DNAJC17: variants seen among roughly 807,000 people sequenced by gnomAD.
DNAJC17 encodes the protein dnaJ homolog subfamily C member 17.
A neutral mutation model predicts 48.1 loss-of-function variants in DNAJC17; 35 were observed. The observed-to-expected ratio is 0.73, with a 90% CI of 0.56 to 0.96. The LOEUF (loss-of-function observed/expected upper bound fraction) is 0.96. Ranked by LOEUF, DNAJC17 falls within the 50% of genes least tolerant of loss-of-function variation. The probability of loss-of-function intolerance (pLI) is 0.00; values close to 1 mark genes in which losing one functional copy is unlikely to be tolerated. For missense variants in DNAJC17, 355 were observed against 377.1 expected (o/e 0.94, Z 0.48); for synonymous variants, 117 against 142.7 (o/e 0.82, Z 1.28).
Position 40,776,230 on chromosome 15 carries a change from C to T in DNAJC17, c.444G>A (p.Glu148=). The change falls in exon 6 of 11, where the codon GAG becomes GAA. Residue 148 remains glutamate, a synonymous_variant. Coordinates refer to ENST00000220496, the MANE Select transcript of DNAJC17 (RefSeq NM_018163.3). ...TCTGGTCACGCTCCTGGCGTATCTG[C>T]TCCCGGATGAGCCTCTGCTGTTCCT... ...QLEEQQRLIR[E]QIRQERDQRL... is the part of the protein sequence containing the mutation. The T allele has an allele frequency of 6.2e-7, 1 of 1,614,154 alleles. No individual in the cohort carries two copies.
chr15:40,799,802 G>A (rs1489433458), intron 1 of DNAJC17, among the ~76,000 whole-genome samples: 1 of 152,008 alleles, frequency 6.6e-6, no homozygotes, highest in East Asian at 1.9e-4. Context: ...AATGCACAGG[G>A]CTCCAATTTC....
chr15:40,769,627 G>A lies in DNAJC17; in HGVS notation c.793-1565C>T, dbSNP rs574212882. On this transcript the variant is annotated intron_variant, in intron 10 of 10. Transcript: ENST00000220496. The surrounding 1 kb of genome is among the most constrained non-coding windows in gnomAD (Gnocchi z 4.2). ...CAGCGGGGCTGAGTCACCCATACCA[G>A]CTACAGGTCTCTTCCTTCCCCAACA... 1.3e-5 allele frequency among the ~76,000 whole-genome samples: 2 copies of A among 152,290 alleles called. No homozygotes were observed. The highest frequency in any genetic ancestry group is 3.9e-4 in the East Asian group (2 of 5,176).
intron 1 of DNAJC17, among the ~76,000 whole-genome samples, chr15:40,781,717 T>A (rs1889494813): frequency 3.3e-5 from 5 of 151,306 alleles, no homozygotes; most frequent in African/African-American, 9.7e-5. Flanking sequence ...GTCAGGAGAT[T>A]GAGACCATCC....
chr15:40,770,906 A>AC lies in DNAJC17; in HGVS notation c.792+2820dup. On this transcript the variant is annotated intron_variant, in intron 10 of 10. Transcript: ENST00000220496. This position sits in a 1 kb window ranked among gnomAD's most constrained non-coding sequence, Gnocchi z 5.0. ...TGGACACTCCCTGCTTCCAGAGGAC[A>AC]CCTACCCCAGACCTCAGTGATCCCT... is the stretch of plus-strand genomic sequence containing the variant. 1 of 1,551,414 alleles carries AC rather than the reference A, an allele frequency of 6.4e-7. No homozygotes were observed. The highest frequency in any genetic ancestry group is 8.7e-7 in the Non-Finnish European group (1 of 1,146,994).
At chr15:40,781,745 C>A (rs1889496320) in intron 1 of DNAJC17, among the ~76,000 whole-genome samples, 1 of 151,038 alleles carries the variant, frequency 6.6e-6, no homozygotes, top group Non-Finnish European at 1.5e-5. Flanking sequence ...CACGGTGAAA[C>A]CCCGTCTCTA....
At chr15:40,795,440 C>T (rs1354872496) in intron 1 of DNAJC17, among the ~76,000 whole-genome samples, 4 of 152,318 alleles carry the variant, frequency 2.6e-5, no homozygotes, top group African/African-American at 9.6e-5. Context: ...CTTCTCTTCA[C>T]ATCTGTTTCC....
chr15:40,780,682 C>T (rs995809785), intron 1 of DNAJC17: 55 of 258,848 alleles, frequency 2.1e-4, no homozygotes, highest in African/African-American at 1.1e-3. Context: ...GGCATAGTGG[C>T]GGGCAGCTGT....
rs1889120933 is a variant in DNAJC17, at chr15:40,770,936, C to T, written c.792+2791G>A. The stretch of plus-strand genomic sequence containing the variant: ...CCCCAGACCTCAGTGATCCCTTCCT[C>T]TCCTTCAAAGTGGACCTGGGGATTT... On this transcript the variant is annotated intron_variant, in intron 10 of 10. Coordinates refer to ENST00000220496, the MANE Select transcript of DNAJC17 (RefSeq NM_018163.3). This position sits in a 1 kb window ranked among gnomAD's most constrained non-coding sequence, Gnocchi z 5.0. 1 of 1,551,524 alleles carries T rather than the reference C, an allele frequency of 6.4e-7. No individual in the cohort carries two copies. The highest frequency in any genetic ancestry group is 8.7e-7 in the Non-Finnish European group (1 of 1,147,014).
chr15:40,780,832 AAAATAAAAAAT>A (rs1889466469), intron 1 of DNAJC17, among the ~76,000 whole-genome samples: 1 of 150,000 alleles, frequency 6.7e-6, no homozygotes, highest in African/African-American at 2.5e-5. Context: ...AAAATAAAAT[AAAATAAAAAAT>A]AAAATAAAAG....
At chr15:40,804,226 T>C (rs1314055955) in intron 1 of DNAJC17, among the ~76,000 whole-genome samples, 1 of 151,702 alleles carries the variant, frequency 6.6e-6, no homozygotes, top group Non-Finnish European at 1.5e-5. Flanking sequence ...CACCTTGGCC[T>C]CCCAAAGTGC....
At position 40,765,861 on chromosome 15, in the gene DNAJC17, C is replaced by T. The variant is rs753657553; in HGVS notation, c.*2079G>A. On this transcript the variant is annotated 3_prime_UTR_variant, in exon 11 of 11. Transcript: ENST00000220496. Reference sequence around the variant, plus strand: ...CCCACTATGGTGGGCGATGAACAGTCGGATCCAGAGCTGATGCAGCATCTG... The same window carrying T: ...CCCACTATGGTGGGCGATGAACAGTTGGATCCAGAGCTGATGCAGCATCTG... 16 of 1,584,312 alleles carry T rather than the reference C, an allele frequency of 1.0e-5. No individual in the cohort carries two copies. The highest frequency in any genetic ancestry group is 3.4e-5 in the South Asian group (3 of 87,826).
chr15:40,797,486 T>A (rs1244364135), intron 1 of DNAJC17, among the ~76,000 whole-genome samples: 5 of 151,854 alleles, frequency 3.3e-5, no homozygotes, highest in Non-Finnish European at 7.4e-5. Context: ...CAATCTTGGC[T>A]CACTGCAACC....
Position 40,776,194 on chromosome 15 carries a change from AC to A in DNAJC17, c.478+1del, listed in dbSNP as rs1889314709. The A allele has an allele frequency of 6.2e-7, 1 of 1,612,930 alleles. No homozygotes were observed. ...GAGATAGGCGGGGTGATAGACCTGCACCTCTCAACCTCTGGTCACGCTCCTG... is the reference window on the plus strand; with the variant it reads ...GAGATAGGCGGGGTGATAGACCTGCACTCTCAACCTCTGGTCACGCTCCTG... On this transcript the variant is annotated splice_donor_variant, in intron 6 of 10. Coordinates refer to ENST00000220496, the MANE Select transcript of DNAJC17 (RefSeq NM_018163.3). LOFTEE classifies it high-confidence loss of function.
chr15:40,791,953 A>G (rs763148613), intron 1 of DNAJC17, among the ~76,000 whole-genome samples: 8 of 152,232 alleles, frequency 5.3e-5, no homozygotes, highest in Non-Finnish European at 1.2e-4. Flanking sequence ...TGGAGACAGC[A>G]GATTACATCA....
intron 2 of DNAJC17, 86 bp downstream of exon 2, chr15:40,779,842 A>G (rs1889431740): frequency 1.4e-6 from 2 of 1,445,846 alleles, no homozygotes; most frequent in Non-Finnish European, 1.9e-6. Context: ...TACACCCCAC[A>G]GCACTCACAT....
At chr15:40,794,917 T>C (rs1000613408) in intron 1 of DNAJC17, among the ~76,000 whole-genome samples, 1 of 151,844 alleles carries the variant, frequency 6.6e-6, no homozygotes, top group Non-Finnish European at 1.5e-5. Context: ...TGGGGTTTCG[T>C]CGTGTTGGCC....
Position 40,771,171 on chromosome 15 carries a change from A to G in DNAJC17, c.792+2556T>C, listed in dbSNP as rs1889129079. The G allele has an allele frequency of 1.2e-5, 9 of 763,664 alleles. No individual in the cohort carries two copies. In the South Asian group the frequency reaches 1.5e-4, roughly 13 times the overall value. The allele number at this position is 763,664 out of a possible 1,614,324, so 47.3% of individuals were successfully genotyped here. On this transcript the variant is annotated intron_variant, in intron 10 of 10. Coordinates refer to ENST00000220496, the MANE Select transcript of DNAJC17 (RefSeq NM_018163.3). ...CCTGGGGGAGGATTCCAGGATAGGAATCCAGGGCTCTGCCTGCTCTCTGGG... is the reference window on the plus strand; with the variant it reads ...CCTGGGGGAGGATTCCAGGATAGGAGTCCAGGGCTCTGCCTGCTCTCTGGG...
At chr15:40,804,414 GAAAA>G (rs113627118) in intron 1 of DNAJC17, among the ~76,000 whole-genome samples, 1 of 136,248 alleles carries the variant, frequency 7.3e-6, no homozygotes. Flanking sequence ...CCCGTCTCTG[GAAAA>G]AAAAAAAAAG....
At position 40,767,684 on chromosome 15, in the gene DNAJC17, A is replaced by AGG. The variant is rs1053117249; in HGVS notation, c.*255_*256insCC. On this transcript the variant is annotated 3_prime_UTR_variant, in exon 11 of 11. Coordinates refer to ENST00000220496, the MANE Select transcript of DNAJC17 (RefSeq NM_018163.3). The stretch of plus-strand genomic sequence containing the variant: ...GCGTGGCTCCTGCATAGCTAGCCCA[A>AGG]GCCAATAAAGGGCTGTGATGAGTGG... 7.0e-5 allele frequency: 43 copies of AGG among 611,056 alleles called. No individual in the cohort carries two copies. The highest frequency in any genetic ancestry group is 1.1e-4 in the Non-Finnish European group (39 of 366,886). The allele number at this position is 611,056 out of a possible 1,614,324, so 37.9% of individuals were successfully genotyped here. A position where few individuals can be genotyped will look rare whatever the true frequency, so the allele number is the denominator to read the frequency against.
Sources: allele counts gnomAD v4.1 joint callset (sites outside exome capture counted in the v4.1 genomes callset), GRCh38; gene constraint gnomAD v4.1.1; non-coding constraint Gnocchi (gnomAD v3.1); transcripts MANE v1.5; gene names NCBI Gene and HGNC (gene_info 2026-07-23, HGNC 2026-07-21).